The following KHDRBS2 variants were observed in gnomAD, a reference collection of about 807,000 sequenced individuals.
KHDRBS2 encodes the protein KH RNA binding domain containing, signal transduction associated 2, also known as KH domain-containing, RNA-binding, signal transduction-associated protein 2.
In KHDRBS2, 26 loss-of-function variants were observed where a neutral mutation model predicts 44.3. The observed-to-expected ratio is 0.59, with a 90% CI of 0.43 to 0.81. KHDRBS2 has a LOEUF of 0.81. Among genes scored for constraint, KHDRBS2 ranks in the 40% least tolerant of loss-of-function variants. The pLI is 0.00. For synonymous variants in KHDRBS2, 194 were observed against 151.1 expected (o/e 1.28, Z -2.08); for missense variants, 476 against 433.1 (o/e 1.10, Z -0.88).
chr6:61,801,589 A>G (rs1380741703), intron 6 of KHDRBS2, among the ~76,000 whole-genome samples: 1 of 152,196 alleles, frequency 6.6e-6, no homozygotes. Flanking sequence ...TTTCAGCCAA[A>G]GCAGACTGAA....
intron 1 of KHDRBS2, among the ~76,000 whole-genome samples, chr6:62,248,189 A>G (rs1471594332): frequency 2.6e-5 from 4 of 151,870 alleles, no homozygotes; most frequent in Non-Finnish European, 4.4e-5. Flanking sequence ...TACCTCTATA[A>G]TTCCAAAAAT....
At chr6:61,945,045 C>T (rs1455806870) in intron 4 of KHDRBS2, among the ~76,000 whole-genome samples, 6 of 138,832 alleles carry the variant, frequency 4.3e-5, no homozygotes, top group Non-Finnish European at 4.6e-5. Flanking sequence ...AAGCCAAGAT[C>T]GTGCCACTGC....
chr6:61,744,628 T>C (rs1447293267), intron 6 of KHDRBS2, among the ~76,000 whole-genome samples: 1 of 152,122 alleles, frequency 6.6e-6, no homozygotes, highest in Non-Finnish European at 1.5e-5. Context: ...GGGCAGATGG[T>C]TATACTGTTT....
At chr6:61,829,101 T>C (rs1340040389) in intron 6 of KHDRBS2, among the ~76,000 whole-genome samples, 1 of 152,142 alleles carries the variant, frequency 6.6e-6, no homozygotes, top group Non-Finnish European at 1.5e-5. Flanking sequence ...AGATGTACGT[T>C]TTAGTGTGTA....
the KHDRBS2 span, among the ~76,000 whole-genome samples, chr6:61,616,185 A>C: frequency 2.0e-5 from 3 of 152,108 alleles, no homozygotes; most frequent in Non-Finnish European, 2.9e-5. Flanking sequence ...TGAGAATGAG[A>C]GTTTAGGTGT....
chr6:61,917,398 G>C (rs1807216771), intron 4 of KHDRBS2, among the ~76,000 whole-genome samples: 1 of 151,752 alleles, frequency 6.6e-6, no homozygotes, highest in Non-Finnish European at 1.5e-5. Context: ...CCATCTGAAA[G>C]GTCACATACT....
intron 2 of KHDRBS2, among the ~76,000 whole-genome samples, chr6:62,107,221 A>G (rs1281051925): frequency 6.6e-6 from 1 of 152,190 alleles, no homozygotes; most frequent in East Asian, 1.9e-4. Context: ...AATCTCCTTA[A>G]GCTGATAAGC....
intron 6 of KHDRBS2, among the ~76,000 whole-genome samples, chr6:61,735,452 G>A (rs766814610): frequency 3.9e-5 from 6 of 151,998 alleles, no homozygotes; most frequent in Admixed American, 3.3e-4. Flanking sequence ...ATTGTCCCAA[G>A]CATTTATGAA....
chr6:61,930,621 C>T (rs9345759), intron 4 of KHDRBS2, among the ~76,000 whole-genome samples: 59,529 of 144,140 alleles, frequency 0.41, 12,254 homozygotes, highest in Admixed American at 0.5. Flanking sequence ...TGCTTGAACC[C>T]GGGAGGTGGA....
intron 2 of KHDRBS2, among the ~76,000 whole-genome samples, chr6:62,114,885 TTA>T (rs766747581): frequency 5.3e-5 from 8 of 151,970 alleles, no homozygotes; most frequent in Middle Eastern, 6.8e-3. Context: ...TTTTAGAAAT[TTA>T]TGTTAAAAAT....
chr6:61,937,601 C>A (rs1384772456), intron 4 of KHDRBS2, among the ~76,000 whole-genome samples: 4 of 152,028 alleles, frequency 2.6e-5, no homozygotes. Flanking sequence ...AGGTCACACA[C>A]CTATTTGTGT....
At chr6:61,824,448 T>A (rs1014393003) in intron 6 of KHDRBS2, among the ~76,000 whole-genome samples, 1 of 152,072 alleles carries the variant, frequency 6.6e-6, no homozygotes, top group African/African-American at 2.4e-5. Context: ...GTAAGTTTCC[T>A]AAGGCCTCCC....
intron 3 of KHDRBS2, among the ~76,000 whole-genome samples, chr6:62,006,436 T>G (rs1164590864): frequency 6.6e-6 from 1 of 151,812 alleles, no homozygotes; most frequent in Non-Finnish European, 1.5e-5. Flanking sequence ...AAGGAATAAA[T>G]CAAATAAAAA....
intron 2 of KHDRBS2, among the ~76,000 whole-genome samples, chr6:62,070,290 T>TA (rs1235216836): frequency 6.6e-6 from 1 of 151,358 alleles, no homozygotes; most frequent in Admixed American, 6.6e-5. Context: ...GTTTTGGCAT[T>TA]AAAAAAATAC....
intron 1 of KHDRBS2, among the ~76,000 whole-genome samples, chr6:62,218,083 C>A (rs1460953075): frequency 4.0e-5 from 6 of 151,738 alleles, no homozygotes; most frequent in African/African-American, 1.5e-4. Flanking sequence ...CGGGAAGAGA[C>A]AACAAAGGGA....
At chr6:61,913,950 G>C (rs1806505906) in intron 4 of KHDRBS2, among the ~76,000 whole-genome samples, 1 of 152,090 alleles carries the variant, frequency 6.6e-6, no homozygotes, top group Non-Finnish European at 1.5e-5. Flanking sequence ...AAGTAGGTAG[G>C]CTCTGTATCA....
chr6:61,888,797 G>A (rs949808917), intron 6 of KHDRBS2, among the ~76,000 whole-genome samples: 2 of 151,864 alleles, frequency 1.3e-5, no homozygotes, highest in Non-Finnish European at 2.9e-5. Context: ...TCCTGACTTC[G>A]TGATCCACCC....
intron 4 of KHDRBS2, among the ~76,000 whole-genome samples, chr6:61,912,634 C>T (rs776885803): frequency 1.3e-5 from 2 of 152,130 alleles, no homozygotes; most frequent in Admixed American, 6.5e-5. Flanking sequence ...GGTGATGTGA[C>T]ATCTCTCTGC....
At chr6:61,895,550 A>T (rs1802788770) in intron 5 of KHDRBS2, among the ~76,000 whole-genome samples, 1 of 152,244 alleles carries the variant, frequency 6.6e-6, no homozygotes, top group Non-Finnish European at 1.5e-5. Flanking sequence ...TAAAAATAAC[A>T]GACTGAATAC....
Sources: allele counts gnomAD v4.1 joint callset (sites outside exome capture counted in the v4.1 genomes callset), GRCh38; gene constraint gnomAD v4.1.1; transcripts MANE v1.5; gene names NCBI Gene and HGNC (gene_info 2026-07-23, HGNC 2026-07-21).